ADAMTSL4: variants seen among roughly 807,000 people sequenced by gnomAD.
The protein encoded by ADAMTSL4 is ADAMTS-like protein 4.
A neutral mutation model predicts 122.8 loss-of-function variants in ADAMTSL4; 97 were observed. The observed-to-expected ratio is 0.79, with a 90% CI of 0.67 to 0.93. The LOEUF (loss-of-function observed/expected upper bound fraction) is 0.93, where lower values mean the gene tolerates loss of function less well. Ranked by LOEUF, ADAMTSL4 falls within the 40% of genes least tolerant of loss-of-function variation. ADAMTSL4 has a pLI of 0.00. For synonymous variants in ADAMTSL4, 592 were observed against 568.0 expected, an observed-to-expected ratio of 1.04 and a Z score of -0.60; for missense variants, 1,408 against 1,453.5, an observed-to-expected ratio of 0.97 and a Z score of 0.51.
chr1:150,557,892 C>T (rs1230584429), intron 13 of ADAMTSL4, 53 bp from the exon 14 acceptor site: 8 of 1,571,142 alleles, frequency 5.1e-6, no homozygotes, highest in East Asian at 2.3e-5. Context: ...CACGGCAGCC[C>T]CACACATCTC....
At position 150,552,287 on chromosome 1, in the gene ADAMTSL4, C is replaced by A; in HGVS notation, c.-2C>A. On this transcript the variant is annotated 5_prime_UTR_variant, in exon 3 of 19. Transcript: ENST00000271643. This position sits in a 1 kb window ranked among gnomAD's most constrained non-coding sequence, Gnocchi z 4.0. The stretch of plus-strand genomic sequence containing the variant: ...TCCCCCTGGGGCAGTAGAGGGGGAG[C>A]GATGGAGAACTGGACTGGCAGGTGA... 3.2e-6 allele frequency: 5 copies of A among 1,553,894 alleles called. No homozygotes were observed. Among genetic ancestry groups the A allele is most frequent in the Non-Finnish European group, 4.4e-6 (5 of 1,148,042 alleles).
chr1:150,557,942 C>A lies in ADAMTSL4; in HGVS notation c.2178-3C>A. ...CTCTTCCCTGCCCTGCTGGTGCCTG[C>A]AGCTGGGAGGCTGGCGAGTGGACAT... On this transcript the variant is annotated splice_polypyrimidine_tract_variant and splice_region_variant and intron_variant, in intron 13 of 18. Coordinates refer to ENST00000271643, the MANE Select transcript of ADAMTSL4 (RefSeq NM_019032.6). The A allele has an allele frequency of 6.2e-7, 1 of 1,605,156 alleles. No homozygotes were observed. The highest frequency in any genetic ancestry group is 8.5e-7 in the Non-Finnish European group (1 of 1,179,626).
chr1:150,555,850 GAC>G lies in ADAMTSL4; in HGVS notation c.1371+291_1371+292del, dbSNP rs587768725. ...ATGCAGACACATGCACACACATGTA[GAC>G]ACACATGCATGAACACATGCACACA... On this transcript the variant is annotated intron_variant, in intron 8 of 18. Transcript: ENST00000271643. The G allele has an allele frequency of 6.9e-4, 417 of 605,816 alleles. 2 individuals are homozygous for G. Among genetic ancestry groups the G allele is most frequent in the East Asian group, 2.2e-3 (79 of 35,310 alleles). 37.5% of individuals were successfully genotyped at this position (605,816 alleles called of 1,614,324 possible).
chr1:150,556,011 C>G lies in ADAMTSL4; in HGVS notation c.1372-151C>G. 1.3e-6 allele frequency: 1 copy of G among 776,346 alleles called. No individual in the cohort carries two copies. Among genetic ancestry groups the G allele is most frequent in the East Asian group, 2.7e-5 (1 of 37,502 alleles). The allele number at this position is 776,346 out of a possible 1,614,324, so 48.1% of individuals were successfully genotyped here. On this transcript the variant is annotated intron_variant, in intron 8 of 18. Coordinates refer to ENST00000271643, the MANE Select transcript of ADAMTSL4 (RefSeq NM_019032.6). The surrounding 1 kb of genome is among the most constrained non-coding windows in gnomAD (Gnocchi z 4.1). ...TCTGATCGGGCACCTGTCCATGTCC[C>G]TGGGTCTGGCTGGGGATGGTGGGGC...
In ADAMTSL4 at chr1:150,554,229, G is replaced by A; in HGVS notation, c.1131+107G>A. On this transcript the variant is annotated intron_variant, in intron 6 of 18. Transcript: ENST00000271643. This position sits in a 1 kb window ranked among gnomAD's most constrained non-coding sequence, Gnocchi z 4.0. ...TTGGCACCTGAGGGAGAAGGGCCTTGGCATCTGACCACCTCAGGGCAGGGG... is the reference window on the plus strand; with the variant it reads ...TTGGCACCTGAGGGAGAAGGGCCTTAGCATCTGACCACCTCAGGGCAGGGG... 1 of 1,459,384 alleles carries A rather than the reference G, an allele frequency of 6.9e-7. No homozygotes were observed. The highest frequency in any genetic ancestry group is 9.5e-7 in the Non-Finnish European group (1 of 1,054,556). 90.4% of individuals were successfully genotyped at this position (1,459,384 alleles called of 1,614,324 possible). A position where few individuals can be genotyped will look rare whatever the true frequency, so the allele number is the denominator to read the frequency against.
chr1:150,556,520 C>T lies in ADAMTSL4; in HGVS notation c.1577-101C>T, dbSNP rs1672141811. The T allele has an allele frequency of 6.3e-7, 1 of 1,582,138 alleles. No individual in the cohort carries two copies. Among genetic ancestry groups the T allele is most frequent in the Admixed American group, 1.7e-5 (1 of 59,744 alleles). Reference sequence around the variant, plus strand: ...GGAAGCTGAGAGGGCTTGGGGGGATCTTAGGTTCTGGTGGGAGCTTCTATA... The same window carrying T: ...GGAAGCTGAGAGGGCTTGGGGGGATTTTAGGTTCTGGTGGGAGCTTCTATA... On this transcript the variant is annotated intron_variant, in intron 9 of 18. Transcript: ENST00000271643. The surrounding 1 kb of genome is among the most constrained non-coding windows in gnomAD (Gnocchi z 4.1).
At position 150,555,904 on chromosome 1, in the gene ADAMTSL4, C is replaced by T. The variant is rs587719273; in HGVS notation, c.1372-258C>T. Reference sequence around the variant, plus strand: ...GCACACACACGTATTTGCACAGTCTCAATTCAACAACAAAACACCATACTG... The same window carrying T: ...GCACACACACGTATTTGCACAGTCTTAATTCAACAACAAAACACCATACTG... On this transcript the variant is annotated intron_variant, in intron 8 of 18. Coordinates refer to ENST00000271643, the MANE Select transcript of ADAMTSL4 (RefSeq NM_019032.6). 416 of 608,392 alleles carry T rather than the reference C, an allele frequency of 6.8e-4. 5 individuals are homozygous for T. In the South Asian group the frequency reaches 7.8e-3, roughly 11 times the overall value. 37.7% of individuals were successfully genotyped at this position (608,392 alleles called of 1,614,324 possible).
rs746341961 is a variant in ADAMTSL4 at position 150,553,642 on chromosome 1, A to G, written c.651A>G (p.Thr217=). ...GCCCCCAAACTGAGCTCCCTCCCAC[A>G]GAACTGTCTGTCCACACCCCATCCC... The part of the protein sequence containing the change: ...NGSPQTELPP[T]ELSVHTPSPQ... The change falls in exon 6 of 19, where the codon ACA becomes ACG. Residue 217 remains threonine, a synonymous_variant. Transcript: ENST00000271643. The G allele has an allele frequency of 6.2e-6, 10 of 1,613,510 alleles. No individual in the cohort carries two copies. Among genetic ancestry groups the G allele is most frequent in the South Asian group, 3.3e-5 (3 of 91,066 alleles).
intron 8 of ADAMTSL4, chr1:150,555,821 ACG>A: frequency 1.6e-6 from 1 of 614,004 alleles, no homozygotes. Flanking sequence ...ATGCACACAC[ACG>A]TATGCAGACA....
rs756671687 is a variant in ADAMTSL4 at position 150,558,020 on chromosome 1, G to A, written c.2253G>A (p.Arg751=). 3 of 1,612,684 alleles carry A rather than the reference G, an allele frequency of 1.9e-6. No individual in the cohort carries two copies. In the East Asian group the frequency reaches 6.7e-5, roughly 36 times the overall value. ...CCCAGCACCGCCAGCTGCAGTGCCG[G>A]CAGGAATTTGGGGGGGGTGGCTCCT... ...PGTQHRQLQC[R]QEFGGGGSSV... The change falls in exon 14 of 19, where the codon CGG becomes CGA. Residue 751 remains arginine, a synonymous_variant. Coordinates refer to ENST00000271643, the MANE Select transcript of ADAMTSL4 (RefSeq NM_019032.6).
At chr1:150,555,822 CG>C in intron 8 of ADAMTSL4, 2 of 618,970 alleles carry the variant, frequency 3.2e-6, no homozygotes, top group Admixed American at 5.0e-5. Context: ...TGCACACACA[CG>C]TATGCAGACA....
In ADAMTSL4 at chr1:150,556,271, G is replaced by T; in HGVS notation, c.1481G>T (p.Arg494Leu). ...CRLVSGNLTD[R>L]GGPLGYQKIL... is the part of the protein sequence containing the mutation. ...CTTGTTTCGGGGAACCTCACTGACC[G>T]AGGGGGCCCCCTGGGCTATCAGAAG... Residue 494 changes from arginine (R) to leucine (L), a missense_variant, in exon 9 of 19, where the codon CGA becomes CTA. Coordinates refer to ENST00000271643, the MANE Select transcript of ADAMTSL4 (RefSeq NM_019032.6). This position sits in a 1 kb window ranked among gnomAD's most constrained non-coding sequence, Gnocchi z 4.1. 6.2e-7 allele frequency: 1 copy of T among 1,614,150 alleles called. No individual in the cohort carries two copies. Among genetic ancestry groups the T allele is most frequent in the African/African-American group, 1.3e-5 (1 of 75,060 alleles).
In ADAMTSL4 at chr1:150,560,783, C is replaced by T. The variant is rs1424249418; in HGVS notation, c.*587C>T. On this transcript the variant is annotated 3_prime_UTR_variant, in exon 19 of 19. Transcript: ENST00000271643. ...GAGGAAAGAGACTGCCTCTCCAGAGCAAGGCCCAGCTGGGCAGAGGGTGAA... is the reference window on the plus strand; with the variant it reads ...GAGGAAAGAGACTGCCTCTCCAGAGTAAGGCCCAGCTGGGCAGAGGGTGAA... 2 of 161,660 alleles carry T rather than the reference C, an allele frequency of 1.2e-5. No homozygotes were observed. Among genetic ancestry groups the T allele is most frequent in the African/African-American group, 4.8e-5 (2 of 41,548 alleles). The allele number at this position is 161,660 out of a possible 1,614,324, so 10.0% of individuals were successfully genotyped here.
intron 12 of ADAMTSL4, 32 bp from the exon 13 acceptor site, chr1:150,557,462 C>A (rs747975584): frequency 3.7e-6 from 6 of 1,612,854 alleles, no homozygotes; most frequent in Middle Eastern, 3.3e-4. Flanking sequence ...CTCTAGCCTC[C>A]TGCCTCCCTG....
intron 7 of ADAMTSL4, 112 bp from the exon 8 acceptor site, chr1:150,555,317 A>G: frequency 7.2e-7 from 1 of 1,380,968 alleles, no homozygotes; most frequent in Non-Finnish European, 1.0e-6. Context: ...CTGTTGTCAC[A>G]TTTCCTTCAT....
chr1:150,554,523 G>T lies in ADAMTSL4; in HGVS notation c.1234+56G>T, dbSNP rs776069420. 1.1e-5 allele frequency: 18 copies of T among 1,609,136 alleles called. 1 individual carries two copies. In the Middle Eastern group the frequency reaches 2.1e-3, roughly 192 times the overall value. Reference sequence around the variant, plus strand: ...GTGGCTTGGAATTGGGGATGAAGGGGAGAGGAGATACCTGCTTACTCCCAG... The same window carrying T: ...GTGGCTTGGAATTGGGGATGAAGGGTAGAGGAGATACCTGCTTACTCCCAG... On this transcript the variant is annotated intron_variant, in intron 7 of 18. Transcript: ENST00000271643. The surrounding 1 kb of genome is among the most constrained non-coding windows in gnomAD (Gnocchi z 4.0).
At position 150,552,279 on chromosome 1, in the gene ADAMTSL4, AG is replaced by A. The variant is rs1671490371; in HGVS notation, c.-5del. ...CTCCTGCCTCCCCCTGGGGCAGTAG[AG>A]GGGGAGCGATGGAGAACTGGACTGG... is the stretch of plus-strand genomic sequence containing the variant. On this transcript the variant is annotated 5_prime_UTR_variant, in exon 3 of 19. Transcript: ENST00000271643. The surrounding 1 kb of genome is among the most constrained non-coding windows in gnomAD (Gnocchi z 4.0). 1 of 1,552,422 alleles carries A rather than the reference AG, an allele frequency of 6.4e-7. No individual in the cohort carries two copies. The highest frequency in any genetic ancestry group is 1.2e-5 in the South Asian group (1 of 84,080).
rs1422441411 is a variant in ADAMTSL4 at position 150,560,342 on chromosome 1, C to T, written c.*146C>T. 1.5e-6 allele frequency: 2 copies of T among 1,299,700 alleles called. No homozygotes were observed. The highest frequency in any genetic ancestry group is 1.5e-5 in the African/African-American group (1 of 68,230). 80.5% of individuals were successfully genotyped at this position (1,299,700 alleles called of 1,614,324 possible). On this transcript the variant is annotated 3_prime_UTR_variant, in exon 19 of 19. Transcript: ENST00000271643. ...ACAGAGGGTGGCAAGGTGACTGACA[C>T]AAAGTGACTTTCAGGGCTGTGGTCA...
chr1:150,554,631 G>T lies in ADAMTSL4; in HGVS notation c.1234+164G>T, dbSNP rs1350431969. ...TGGGGCTGGGTCAGGAGACAGCACA[G>T]GTGGTGAGTGGTCTGCAGAAGGGTC... On this transcript the variant is annotated intron_variant, in intron 7 of 18. Transcript: ENST00000271643. The surrounding 1 kb of genome is among the most constrained non-coding windows in gnomAD (Gnocchi z 4.0). 2 of 1,542,746 alleles carry T rather than the reference G, an allele frequency of 1.3e-6. No individual in the cohort carries two copies. Among genetic ancestry groups the T allele is most frequent in the African/African-American group, 1.4e-5 (1 of 73,032 alleles).
Sources: gnomAD v4.1 joint callset for allele counts on GRCh38, gnomAD v4.1.1 for gene constraint, Gnocchi (gnomAD v3.1) non-coding constraint, MANE v1.5 for transcripts, NCBI Gene and HGNC (gene_info 2026-07-23, HGNC 2026-07-21) for gene names.